APOL1: variants seen among roughly 807,000 people sequenced by gnomAD.
The protein encoded by APOL1 is apolipoprotein L 1.
APOL1 carries 17 observed loss-of-function variants against 14.9 expected under a neutral mutation model. The ratio of observed to expected loss-of-function variants is 1.14; its 90% CI spans 0.78 to 1.71. The LOEUF (loss-of-function observed/expected upper bound fraction) is 1.71. Among genes scored for constraint, APOL1 ranks in the 40% most tolerant of loss-of-function variants. The probability of loss-of-function intolerance (pLI) is 0.00; values close to 1 mark genes in which losing one functional copy is unlikely to be tolerated. For missense variants in APOL1, 523 were observed against 485.9 expected (o/e 1.08, Z -0.72); for synonymous variants, 195 against 184.8 (o/e 1.05, Z -0.45).
At chr22:36,262,324 A>G (rs1421433995) in intron 5 of APOL1, among the ~76,000 whole-genome samples, 1 of 152,132 alleles carries the variant, frequency 6.6e-6, no homozygotes, top group African/African-American at 2.4e-5. Flanking sequence ...GTGGAGTTGC[A>G]CAGCGCTGGG....
chr22:36,258,459 G>A (rs962275369), intron 4 of APOL1, among the ~76,000 whole-genome samples: 3 of 152,164 alleles, frequency 2.0e-5, no homozygotes, highest in Non-Finnish European at 2.9e-5. Context: ...TGCCTGTTTG[G>A]GTTTACCTTG....
In APOL1 at chr22:36,265,628, C is replaced by A. The variant is rs73885316; in HGVS notation, c.792C>A (p.Asn264Lys). 1.5e-3 allele frequency: 2,349 copies of A among 1,595,540 alleles called. 37 individuals carry two copies. In the African/African-American group the frequency reaches 0.026, roughly 18 times the overall value. ...VREFLGENISNFLSLAGNTYQ... is the reference protein window; with the variant it reads ...VREFLGENISKFLSLAGNTYQ... ...AGTTTTTGGGTGAGAACATATCCAACTTTCTTTCCTTAGCTGGCAATACTT... is the reference window on the plus strand; with the variant it reads ...AGTTTTTGGGTGAGAACATATCCAAATTTCTTTCCTTAGCTGGCAATACTT... The change falls in exon 6 of 6, where the codon AAC becomes AAA. Residue 264 changes from asparagine (N) to lysine (K), a missense_variant. Transcript: ENST00000397278.
intron 1 of APOL1, chr22:36,253,725 G>C (rs2015764389): frequency 8.9e-6 from 5 of 564,212 alleles, no homozygotes; most frequent in Non-Finnish European, 1.6e-5. Context: ...GCCCTGTGGG[G>C]AAACTGAGGC....
At chr22:36,257,171 A>G (rs2146298405) in intron 3 of APOL1, 35 bp downstream of exon 3, 1 of 1,613,890 alleles carries the variant, frequency 6.2e-7, no homozygotes, top group East Asian at 2.2e-5. Context: ...ATGGGGGCTC[A>G]GTGATAGACA....
chr22:36,257,260 C>A, intron 3 of APOL1, 59 bp from the exon 4 acceptor site: 1 of 1,605,564 alleles, frequency 6.2e-7, no homozygotes, highest in Non-Finnish European at 8.5e-7. Flanking sequence ...TCAAGCAAGC[C>A]TCCCTCTGTC....
At chr22:36,260,589 T>C (rs1173263168) in intron 4 of APOL1, among the ~76,000 whole-genome samples, 2 of 125,158 alleles carry the variant, frequency 1.6e-5, no homozygotes, top group Non-Finnish European at 3.6e-5. Flanking sequence ...ACTTGAGTTC[T>C]TTGTAGACCT....
Position 36,259,570 on chromosome 22 carries a change from G to A in APOL1, c.188-2026G>A, listed in dbSNP as rs893730817. The A allele has an allele frequency of 1.2e-5, 15 of 1,214,190 alleles. No homozygotes were observed. In the African/African-American group the frequency reaches 2.2e-4, roughly 18 times the overall value. 75.2% of individuals were successfully genotyped at this position (1,214,190 alleles called of 1,614,324 possible). A position where few individuals can be genotyped will look rare whatever the true frequency, so the allele number is the denominator to read the frequency against. On this transcript the variant is annotated intron_variant, in intron 4 of 5. Coordinates refer to ENST00000397278, the MANE Select transcript of APOL1 (RefSeq NM_003661.4). ...GAGGGCAGGGAAGATTAGAAGCCGA[G>A]AGCACTCAGCCGACCCCGGAATCCT...
chr22:36,265,445 C>T lies in APOL1; in HGVS notation c.609C>T (p.Gly203=). Residue 203 remains glycine (G), a synonymous_variant, in exon 6 of 6, where the codon GGC becomes GGT. Coordinates refer to ENST00000397278, the MANE Select transcript of APOL1 (RefSeq NM_003661.4). ...GMGLAPFTEG[G]SLVLLEPGME... is the part of the protein sequence containing the mutation. ...GTCTGGCACCCTTCACAGAGGGAGG[C>T]AGCCTTGTACTCTTGGAACCTGGGA... The T allele has an allele frequency of 6.2e-7, 1 of 1,614,158 alleles. No homozygotes were observed. Among genetic ancestry groups the T allele is most frequent in the Non-Finnish European group, 8.5e-7 (1 of 1,180,032 alleles).
In APOL1 at chr22:36,266,895, A is replaced by G. The variant is rs1240696812; in HGVS notation, c.*862A>G. 5.0e-6 allele frequency: 1 copy of G among 198,850 alleles called. No individual in the cohort carries two copies. The highest frequency in any genetic ancestry group is 9.8e-6 in the Non-Finnish European group (1 of 101,992). 12.3% of individuals were successfully genotyped at this position (198,850 alleles called of 1,614,324 possible). On this transcript the variant is annotated 3_prime_UTR_variant, in exon 6 of 6. Coordinates refer to ENST00000397278, the MANE Select transcript of APOL1 (RefSeq NM_003661.4). ...ACTCCAGCCTGGGTGACAGAGCGAG[A>G]CTCCATCTCAAAAAAAAAAAAAAAA...
chr22:36,257,255 C>A, intron 3 of APOL1, 64 bp from the exon 4 acceptor site: 1 of 1,602,730 alleles, frequency 6.2e-7, no homozygotes, highest in Non-Finnish European at 8.5e-7. Context: ...GCTGCTCAAG[C>A]AAGCCTCCCT....
At chr22:36,259,578 A>C (rs2016008648) in intron 4 of APOL1, 10 of 1,219,536 alleles carry the variant, frequency 8.2e-6, no homozygotes, top group Non-Finnish European at 1.1e-5. Flanking sequence ...GAGAGCACTC[A>C]GCCGACCCCG....
At chr22:36,258,521 G>A (rs973944021) in intron 4 of APOL1, among the ~76,000 whole-genome samples, 7 of 152,216 alleles carry the variant, frequency 4.6e-5, no homozygotes, top group Non-Finnish European at 8.8e-5. Context: ...GGAGGTCTCC[G>A]AATACAGGTG....
intron 4 of APOL1, chr22:36,257,646 C>G: frequency 2.2e-6 from 1 of 458,012 alleles, no homozygotes; most frequent in Non-Finnish European, 4.0e-6. Context: ...ACCCTGGCAC[C>G]TAGCAAATGA....
At position 36,253,155 on chromosome 22, in the gene APOL1, G is replaced by C; in HGVS notation, c.-84G>C. The stretch of plus-strand genomic sequence containing the variant: ...GTTATTATACAGACGCATAACTGGA[G>C]GTGGGATCCACACAGCTCAGAACAG... On this transcript the variant is annotated 5_prime_UTR_variant, in exon 1 of 6. Transcript: ENST00000397278. 1 of 499,388 alleles carries C rather than the reference G, an allele frequency of 2.0e-6. No individual in the cohort carries two copies. Among genetic ancestry groups the C allele is most frequent in the African/African-American group, 2.0e-5 (1 of 50,726 alleles). The allele number at this position is 499,388 out of a possible 1,614,324, so 30.9% of individuals were successfully genotyped here. A position where few individuals can be genotyped will look rare whatever the true frequency, so the allele number is the denominator to read the frequency against.
intron 5 of APOL1, among the ~76,000 whole-genome samples, chr22:36,264,884 C>G (rs949260036): frequency 3.4e-5 from 5 of 146,024 alleles, no homozygotes; most frequent in African/African-American, 1.3e-4. Flanking sequence ...GCGATCTCGG[C>G]TCACTGCAAG....
intron 1 of APOL1, chr22:36,253,969 T>G: frequency 6.2e-7 from 1 of 1,614,190 alleles, no homozygotes. Flanking sequence ...AATCATGAGA[T>G]TCAAAAGCCA....
At chr22:36,264,573 G>A (rs2016172762) in intron 5 of APOL1, among the ~76,000 whole-genome samples, 1 of 152,162 alleles carries the variant, frequency 6.6e-6, no homozygotes, top group Non-Finnish European at 1.5e-5. Context: ...CTTGAATGAG[G>A]AGGCATCTTT....
At chr22:36,255,138 C>T (rs2015823951) in intron 2 of APOL1, 139 bp downstream of exon 2, 4 of 1,058,156 alleles carry the variant, frequency 3.8e-6, no homozygotes, top group Non-Finnish European at 5.8e-6. Context: ...GACCAACCGG[C>T]AGACTCGCCC....
Position 36,267,492 on chromosome 22 carries a change from T to C in APOL1, c.*1459T>C, listed in dbSNP as rs1445787567. On this transcript the variant is annotated 3_prime_UTR_variant, in exon 6 of 6. Coordinates refer to ENST00000397278, the MANE Select transcript of APOL1 (RefSeq NM_003661.4). Reference sequence around the variant, plus strand: ...CTTGTCGCCGCCCAGGATTGACCTGTGTGTAAGTCCCAATAAACTCACCTA... The same window carrying C: ...CTTGTCGCCGCCCAGGATTGACCTGCGTGTAAGTCCCAATAAACTCACCTA... 9.8e-6 allele frequency: 1 copy of C among 102,484 alleles called. No individual in the cohort carries two copies. The highest frequency in any genetic ancestry group is 2.2e-5 in the Non-Finnish European group (1 of 45,278). 6.3% of individuals were successfully genotyped at this position (102,484 alleles called of 1,614,324 possible).
Sources: gnomAD v4.1 joint callset for allele counts (sites outside exome capture counted in the v4.1 genomes callset) on GRCh38, gnomAD v4.1.1 for gene constraint, MANE v1.5 for transcripts, NCBI Gene and HGNC (gene_info 2026-07-23, HGNC 2026-07-21) for gene names.